Variants in RAD51B observed in about 807,000 individuals in gnomAD.
RAD51B encodes the protein DNA repair protein RAD51 homolog 2.
A neutral mutation model predicts 42.2 loss-of-function variants in RAD51B; 38 were observed. The observed-to-expected ratio is 0.90, with a 90% CI of 0.70 to 1.18. The LOEUF (loss-of-function observed/expected upper bound fraction) is 1.18, where lower values mean the gene tolerates loss of function less well. Among genes scored for constraint, RAD51B ranks in the 50% most tolerant of loss-of-function variants. The probability of loss-of-function intolerance (pLI) is 0.00; values close to 1 mark genes in which losing one functional copy is unlikely to be tolerated. For synonymous variants in RAD51B, 154 were observed against 145.2 expected (o/e 1.06, Z -0.43); for missense variants, 373 against 400.7 (o/e 0.93, Z 0.59).
rs138677442 is a variant in RAD51B, at chr14:68,205,510, A to G, written c.757-86374A>G. Among the ~76,000 whole-genome samples the G allele has an allele frequency of 4.5e-3, 688 of 152,340 alleles. 2 individuals are homozygous for G. Among genetic ancestry groups the G allele is most frequent in the Non-Finnish European group, 7.9e-3 (537 of 68,008 alleles). ...GCAATGTTTCAACCTGCTTAGGATAATAAAGCCAATAAAAGATAGAGACAG... is the reference window on the plus strand; with the variant it reads ...GCAATGTTTCAACCTGCTTAGGATAGTAAAGCCAATAAAAGATAGAGACAG... On this transcript the variant is annotated intron_variant, in intron 7 of 10. Coordinates refer to ENST00000471583, the MANE Select transcript of RAD51B (RefSeq NM_133510.4).
intron 8 of RAD51B, among the ~76,000 whole-genome samples, chr14:68,396,215 C>T (rs11158735): frequency 0.18 from 27,679 of 152,044 alleles, 2,755 homozygotes; most frequent in East Asian, 0.43. Flanking sequence ...TTCGTATGGT[C>T]GTTGAGACAA....
chr14:67,881,010 C>T (rs2042889293), intron 5 of RAD51B, among the ~76,000 whole-genome samples: 1 of 152,220 alleles, frequency 6.6e-6, no homozygotes, highest in Admixed American at 6.5e-5. Flanking sequence ...GTATAGCCTA[C>T]TGCGCACCTA....
intron 8 of RAD51B, among the ~76,000 whole-genome samples, chr14:68,336,207 A>G (rs1296179488): frequency 2.0e-5 from 3 of 152,252 alleles, no homozygotes. Flanking sequence ...ACAAGCTATT[A>G]AGGAAACTGA....
chr14:68,589,866 T>G (rs1890661821), intron 10 of RAD51B, among the ~76,000 whole-genome samples: 1 of 152,184 alleles, frequency 6.6e-6, no homozygotes, highest in Non-Finnish European at 1.5e-5. Context: ...CATTTTCAGT[T>G]TTTGGCTTTT....
intron 10 of RAD51B, among the ~76,000 whole-genome samples, chr14:68,550,775 G>C (rs1460081956): frequency 1.3e-5 from 2 of 152,160 alleles, no homozygotes; most frequent in Admixed American, 6.5e-5. Context: ...CCCTAGCAGT[G>C]ATCTGTGTTC....
At chr14:67,891,644 GATTTATTTATTT>G (rs140848477) in intron 7 of RAD51B, among the ~76,000 whole-genome samples, 1 of 151,258 alleles carries the variant, frequency 6.6e-6, no homozygotes, top group Non-Finnish European at 1.5e-5. Flanking sequence ...TGTGGGCCTG[GATTTATTTATTT>G]ATTTATTTAT....
chr14:67,967,924 A>G (rs578012315), intron 7 of RAD51B, among the ~76,000 whole-genome samples: 30 of 152,248 alleles, frequency 2.0e-4, no homozygotes, highest in African/African-American at 6.5e-4. Context: ...GCCCTAGCAG[A>G]GATTCTCCGT....
chr14:68,593,462 G>A (rs61985824), intron 10 of RAD51B, among the ~76,000 whole-genome samples: 24,305 of 152,222 alleles, frequency 0.16, 2,477 homozygotes, highest in Non-Finnish European at 0.23. Flanking sequence ...GTGGCAAACA[G>A]AAGAAAATTG....
At chr14:68,075,956 G>A (rs926778695) in intron 7 of RAD51B, among the ~76,000 whole-genome samples, 25 of 152,260 alleles carry the variant, frequency 1.6e-4, no homozygotes, top group Non-Finnish European at 4.4e-5. Context: ...CCTGAGAGAT[G>A]CAGAGTTGCT....
At chr14:68,275,400 T>C (rs994548752) in intron 7 of RAD51B, among the ~76,000 whole-genome samples, 3 of 152,156 alleles carry the variant, frequency 2.0e-5, no homozygotes, top group Non-Finnish European at 2.9e-5. Flanking sequence ...AAAGCATTCT[T>C]GTCAGTCATG....
At position 67,909,695 on chromosome 14, in the gene RAD51B, T is replaced by A. The variant is rs560599875; in HGVS notation, c.756+22491T>A. Among the ~76,000 whole-genome samples, 59 of 152,316 alleles carry A rather than the reference T, an allele frequency of 3.9e-4. No individual in the cohort carries two copies. The South Asian group carries it at 0.012, about 31-fold the overall frequency. On this transcript the variant is annotated intron_variant, in intron 7 of 10. Transcript: ENST00000471583. ...TTTTTTGTTGTTGTTTTGTTTTGGA[T>A]TTTTTGAGAGAGGGTCTCTGTTGCA...
At chr14:68,212,313 G>A (rs558535504) in intron 7 of RAD51B, among the ~76,000 whole-genome samples, 4 of 152,176 alleles carry the variant, frequency 2.6e-5, no homozygotes, top group South Asian at 2.1e-4. Context: ...CTAAGACCCC[G>A]CTCTAAAAAG....
chr14:68,396,529 C>T (rs2083929448), intron 8 of RAD51B, among the ~76,000 whole-genome samples: 1 of 152,136 alleles, frequency 6.6e-6, no homozygotes, highest in African/African-American at 2.4e-5. Context: ...GATATATGAT[C>T]ATGTACTTCT....
intron 7 of RAD51B, among the ~76,000 whole-genome samples, chr14:68,088,743 G>GT (rs983304646): frequency 6.6e-6 from 1 of 151,938 alleles, no homozygotes; most frequent in Non-Finnish European, 1.5e-5. Context: ...TTGTGCTGGT[G>GT]TTTTTTCCTG....
intron 7 of RAD51B, among the ~76,000 whole-genome samples, chr14:68,118,949 C>G (rs2077595769): frequency 6.6e-6 from 1 of 151,958 alleles, no homozygotes; most frequent in African/African-American, 2.4e-5. Flanking sequence ...AGGGGAACCG[C>G]CAAACAAGTT....
At chr14:67,874,851 A>G (rs943518304) in intron 5 of RAD51B, among the ~76,000 whole-genome samples, 1 of 152,204 alleles carries the variant, frequency 6.6e-6, no homozygotes, top group Non-Finnish European at 1.5e-5. Context: ...AATTAACAAT[A>G]TATTGTCCGT....
downstream of RAD51B, among the ~76,000 whole-genome samples, chr14:68,598,024 AC>A (rs1296979245): frequency 2.9e-4 from 44 of 152,140 alleles, no homozygotes; most frequent in Non-Finnish European, 4.4e-5. Flanking sequence ...AGAAAAATAG[AC>A]GGCCGTCCTA....
intron 11 of RAD51B, among the ~76,000 whole-genome samples, chr14:68,672,409 C>G (rs558087585): frequency 4.9e-4 from 75 of 152,318 alleles, no homozygotes; most frequent in African/African-American, 1.8e-3. Flanking sequence ...GAGACAAGGG[C>G]CTTTCTGCCG....
chr14:68,426,052 C>T (rs1327029432), intron 9 of RAD51B, among the ~76,000 whole-genome samples: 1 of 148,672 alleles, frequency 6.7e-6, no homozygotes, highest in African/African-American at 2.5e-5. Flanking sequence ...CTCTTTCTCT[C>T]TCTCTCTCTT....
Sources: allele counts gnomAD v4.1 joint callset (sites outside exome capture counted in the v4.1 genomes callset), GRCh38; gene constraint gnomAD v4.1.1; transcripts MANE v1.5; gene names NCBI Gene and HGNC (gene_info 2026-07-23, HGNC 2026-07-21).